Variants in LRRTM4 observed in about 807,000 individuals in gnomAD.
LRRTM4 encodes leucine-rich repeat transmembrane neuronal protein 4.
Under a neutral mutation model 47.6 loss-of-function variants are expected in LRRTM4, and 25 were observed. The observed-to-expected ratio is 0.53, with a 90% CI of 0.38 to 0.73. LRRTM4 has a LOEUF of 0.73. Among genes scored for constraint, LRRTM4 ranks in the 30% least tolerant of loss-of-function variants. The pLI, the probability that LRRTM4 is intolerant of heterozygous loss-of-function variation, is 0.00. For synonymous variants in LRRTM4, 311 were observed against 269.5 expected (o/e 1.15, Z -1.51); for missense variants, 638 against 713.4 (o/e 0.89, Z 1.20).
intron 3 of LRRTM4, among the ~76,000 whole-genome samples, chr2:76,779,435 C>G (rs1674223091): frequency 6.7e-6 from 1 of 149,238 alleles, no homozygotes; most frequent in South Asian, 2.2e-4. Flanking sequence ...CTTTATGAAT[C>G]TGGGTGCTCC....
At chr2:77,405,012 T>TA (rs1474832506) in intron 3 of LRRTM4, among the ~76,000 whole-genome samples, 1 of 152,118 alleles carries the variant, frequency 6.6e-6, no homozygotes, top group African/African-American at 2.4e-5. Context: ...GTAAATGTGA[T>TA]AGTCATTTTT....
chr2:76,928,464 T>C (rs76074891), intron 3 of LRRTM4, among the ~76,000 whole-genome samples: 3,168 of 152,234 alleles, frequency 0.021, 96 homozygotes, highest in African/African-American at 0.068. Flanking sequence ...CTGACCACTA[T>C]CCACGGAGGA....
intron 3 of LRRTM4, among the ~76,000 whole-genome samples, chr2:76,995,742 A>G (rs1348878919): frequency 1.3e-5 from 2 of 152,054 alleles, no homozygotes; most frequent in Non-Finnish European, 2.9e-5. Flanking sequence ...TCTCTACAAG[A>G]TGTGAACTCT....
chr2:76,781,242 A>C (rs1207471332), intron 3 of LRRTM4, among the ~76,000 whole-genome samples: 1 of 152,250 alleles, frequency 6.6e-6, no homozygotes, highest in Non-Finnish European at 1.5e-5. Flanking sequence ...TGGAGCCTAC[A>C]GAGGCAGGCA....
chr2:77,521,758 A>C lies in LRRTM4; in HGVS notation c.-87T>G, dbSNP rs575501716. On this transcript the variant is annotated 5_prime_UTR_variant, in exon 2 of 4. Coordinates refer to ENST00000409884, the MANE Select transcript of LRRTM4 (RefSeq NM_001134745.3). ...CGGAAACCACCACCACCTTCATGAC[A>C]CAGTGCGGCTGTCATTCACACCATT... 1 of 1,473,472 alleles carries C rather than the reference A, an allele frequency of 6.8e-7. No homozygotes were observed. Among genetic ancestry groups the C allele is most frequent in the South Asian group, 1.1e-5 (1 of 87,870 alleles). 91.3% of individuals were successfully genotyped at this position (1,473,472 alleles called of 1,614,324 possible).
rs1274651065 is a variant in LRRTM4, at chr2:76,781,898, C to T, written c.1552-32982G>A. 3.9e-5 allele frequency among the ~76,000 whole-genome samples: 6 copies of T among 152,108 alleles called. No homozygotes were observed. The South Asian group carries it at 8.3e-4, about 21-fold the overall frequency. On this transcript the variant is annotated intron_variant, in intron 3 of 3. Coordinates refer to ENST00000409884, the MANE Select transcript of LRRTM4 (RefSeq NM_001134745.3). Reference sequence around the variant, plus strand: ...GGTTTTCACAAATTGTATCTGAAAACTCATCTGCTGCCTCTTGATCATCAG... The same window carrying T: ...GGTTTTCACAAATTGTATCTGAAAATTCATCTGCTGCCTCTTGATCATCAG...
chr2:77,394,585 A>T (rs989678736), intron 3 of LRRTM4, among the ~76,000 whole-genome samples: 1 of 151,962 alleles, frequency 6.6e-6, no homozygotes, highest in Non-Finnish European at 1.5e-5. Context: ...AGGGTGAAAC[A>T]GGGATTTATA....
intron 3 of LRRTM4, among the ~76,000 whole-genome samples, chr2:76,786,287 T>G (rs1674666072): frequency 6.6e-6 from 1 of 152,066 alleles, no homozygotes. Context: ...AGTTTGAAAA[T>G]GGCGGAGATT....
chr2:76,961,107 A>G (rs1675843111), intron 3 of LRRTM4, among the ~76,000 whole-genome samples: 1 of 151,550 alleles, frequency 6.6e-6, no homozygotes, highest in Non-Finnish European at 1.5e-5. Flanking sequence ...TATTTATTAC[A>G]ACGACAGGTT....
At chr2:77,281,933 T>G (rs929958023) in intron 3 of LRRTM4, among the ~76,000 whole-genome samples, 1 of 151,826 alleles carries the variant, frequency 6.6e-6, no homozygotes, top group African/African-American at 2.4e-5. Context: ...TCATTCACAT[T>G]GTAGATTTTT....
At chr2:76,767,654 C>T (rs1673510017) in intron 3 of LRRTM4, among the ~76,000 whole-genome samples, 1 of 152,082 alleles carries the variant, frequency 6.6e-6, no homozygotes, top group African/African-American at 2.4e-5. Context: ...GTCTTGATGG[C>T]AATCCATGCT....
intron 3 of LRRTM4, among the ~76,000 whole-genome samples, chr2:76,990,328 T>C (rs965286018): frequency 1.3e-5 from 2 of 151,694 alleles, no homozygotes; most frequent in Admixed American, 6.6e-5. Context: ...TGAATGTAAA[T>C]AGTCTACACA....
intron 3 of LRRTM4, among the ~76,000 whole-genome samples, chr2:77,143,733 T>C (rs1426518135): frequency 2.0e-5 from 3 of 152,198 alleles, no homozygotes; most frequent in Non-Finnish European, 4.4e-5. Flanking sequence ...ATTCATAATA[T>C]GCAAAGTAAG....
chr2:76,994,989 A>G lies in LRRTM4; in HGVS notation c.1552-246073T>C, dbSNP rs185026694. Among the ~76,000 whole-genome samples, 151 of 152,114 alleles carry G rather than the reference A, an allele frequency of 9.9e-4. 3 individuals carry two copies. The East Asian group carries it at 0.023, about 23-fold the overall frequency. On this transcript the variant is annotated intron_variant, in intron 3 of 3. Transcript: ENST00000409884. ...TGACATTTTTATCTAAATCAAGAGG[A>G]AAGTTCCAAGGGTAGACCTCAGAGT...
chr2:77,180,801 G>C (rs934787424), intron 3 of LRRTM4, among the ~76,000 whole-genome samples: 1 of 152,084 alleles, frequency 6.6e-6, no homozygotes, highest in Non-Finnish European at 1.5e-5. Flanking sequence ...CATTTGAAAG[G>C]AGAAATCGTG....
chr2:77,336,184 A>G (rs566550246), intron 3 of LRRTM4, among the ~76,000 whole-genome samples: 352 of 147,258 alleles, frequency 2.4e-3, no homozygotes, highest in African/African-American at 7.7e-3. Flanking sequence ...AGGAAGGAAG[A>G]AAGGAAAGAA....
intron 3 of LRRTM4, among the ~76,000 whole-genome samples, chr2:77,430,120 A>C (rs1034072359): frequency 6.6e-6 from 1 of 152,236 alleles, no homozygotes; most frequent in South Asian, 2.1e-4. Context: ...ATAATAATAT[A>C]TTGTATTCTT....
At chr2:77,237,530 T>C (rs1675135153) in intron 3 of LRRTM4, among the ~76,000 whole-genome samples, 1 of 152,132 alleles carries the variant, frequency 6.6e-6, no homozygotes, top group Non-Finnish European at 1.5e-5. Flanking sequence ...ATTCTTTGTA[T>C]GGAAGTTTGG....
At chr2:76,806,223 G>C (rs1287203143) in intron 3 of LRRTM4, among the ~76,000 whole-genome samples, 4 of 152,092 alleles carry the variant, frequency 2.6e-5, no homozygotes, top group African/African-American at 2.4e-5. Flanking sequence ...AGGAAAAGTG[G>C]AACCTACCTT....
Sources: gnomAD v4.1 joint callset for allele counts (sites outside exome capture counted in the v4.1 genomes callset) on GRCh38, gnomAD v4.1.1 for gene constraint, MANE v1.5 for transcripts, NCBI Gene and HGNC (gene_info 2026-07-23, HGNC 2026-07-21) for gene names.